The following RPRD1A variants were observed in gnomAD, a reference collection of about 807,000 sequenced individuals.
RPRD1A encodes regulation of nuclear pre-mRNA domain containing 1A.
RPRD1A carries 9 observed loss-of-function variants against 37.8 expected under a neutral mutation model. The ratio of observed to expected loss-of-function variants is 0.24; its 90% CI spans 0.14 to 0.42. The LOEUF is 0.42. Ranked by LOEUF, RPRD1A falls within the 10% of genes least tolerant of loss-of-function variation. The pLI, the probability that RPRD1A is intolerant of heterozygous loss-of-function variation, is 1.00. For missense variants in RPRD1A, 255 were observed against 371.0 expected, an observed-to-expected ratio of 0.69 and a Z score of 2.57; for synonymous variants, 138 against 139.7, an observed-to-expected ratio of 0.99 and a Z score of 0.08.
chr18:36,063,316 C>A (rs1267254119), intron 1 of RPRD1A, among the ~76,000 whole-genome samples: 1 of 152,076 alleles, frequency 6.6e-6, no homozygotes. Context: ...CTTAGGCCTG[C>A]GCCATCATGC....
At chr18:36,040,925 TTACAGTAATTGTCTTTCAGA>T in intron 1 of RPRD1A, 5 of 978,624 alleles carry the variant, frequency 5.1e-6, no homozygotes, top group Non-Finnish European at 7.3e-6. Context: ...AAATAGTTCT[TTACAGTAATTGTCTTTCAGA>T]ATGAACTACA....
chr18:36,046,278 G>A (rs1291567261), intron 1 of RPRD1A, among the ~76,000 whole-genome samples: 1 of 152,072 alleles, frequency 6.6e-6, no homozygotes, highest in African/African-American at 2.4e-5. Flanking sequence ...AGAAAGCAAA[G>A]TAGGGAACCT....
At chr18:36,045,848 G>GAC (rs927132741) in intron 1 of RPRD1A, among the ~76,000 whole-genome samples, 9 of 152,160 alleles carry the variant, frequency 5.9e-5, no homozygotes, top group African/African-American at 2.2e-4. Context: ...AAATCCATGT[G>GAC]ACACAGTCTT....
At chr18:36,047,159 G>A (rs73426957) in intron 1 of RPRD1A, among the ~76,000 whole-genome samples, 1,711 of 151,960 alleles carry the variant, frequency 0.011, 34 homozygotes, top group African/African-American at 0.039. Context: ...AGTGAGCTGC[G>A]ATCACATCAC....
At chr18:36,030,572 G>T (rs1911704255) in intron 4 of RPRD1A, among the ~76,000 whole-genome samples, 1 of 151,310 alleles carries the variant, frequency 6.6e-6, no homozygotes, top group South Asian at 2.1e-4. Context: ...ACCATATTTG[G>T]CAATTAAAAA....
At chr18:36,066,989 G>A (rs759346807) in intron 1 of RPRD1A, among the ~76,000 whole-genome samples, 1 of 152,158 alleles carries the variant, frequency 6.6e-6, no homozygotes, top group Non-Finnish European at 1.5e-5. Context: ...GGCCCTAATT[G>A]GGTGTGGAGT....
chr18:36,035,053 G>A (rs1912094184), intron 1 of RPRD1A, among the ~76,000 whole-genome samples: 1 of 152,188 alleles, frequency 6.6e-6, no homozygotes, highest in African/African-American at 2.4e-5. Context: ...CTATAACAGA[G>A]ACCAGCTTCT....
chr18:36,067,544 C>A lies in RPRD1A; in HGVS notation c.-140G>T. The A allele has an allele frequency of 1.2e-6, 1 of 800,510 alleles. No homozygotes were observed. Among genetic ancestry groups the A allele is most frequent in the Middle Eastern group, 2.5e-4 (1 of 4,030 alleles). The allele number at this position is 800,510 out of a possible 1,614,324, so 49.6% of individuals were successfully genotyped here. ...GGCCGCCGCTTCATCCAAGACCGGC[C>A]GCAAACCAGCAAGATGGCGTCCGGC... On this transcript the variant is annotated 5_prime_UTR_variant, in exon 1 of 7. Transcript: ENST00000399022.
At chr18:36,064,863 C>T (rs916324845) in intron 1 of RPRD1A, among the ~76,000 whole-genome samples, 1 of 152,052 alleles carries the variant, frequency 6.6e-6, no homozygotes, top group Non-Finnish European at 1.5e-5. Context: ...ACACTCACCG[C>T]GAAGGTCTGC....
intron 6 of RPRD1A, among the ~76,000 whole-genome samples, chr18:35,997,797 T>C (rs1189922658): frequency 6.6e-6 from 1 of 152,198 alleles, no homozygotes; most frequent in East Asian, 1.9e-4. Context: ...TACCCATCCG[T>C]GTAACCAACA....
chr18:36,065,421 AATTT>A (rs2089010238), intron 1 of RPRD1A, among the ~76,000 whole-genome samples: 1 of 152,224 alleles, frequency 6.6e-6, no homozygotes, highest in South Asian at 2.1e-4. Flanking sequence ...TTAATATCAC[AATTT>A]ATTTGTCCAT....
chr18:36,016,515 G>A lies in RPRD1A; in HGVS notation c.789+10385C>T, dbSNP rs150417516. Among the ~76,000 whole-genome samples the A allele has an allele frequency of 3.4e-3, 515 of 152,226 alleles. 8 individuals are homozygous for A. In the East Asian group the frequency reaches 0.046, roughly 14 times the overall value. ...TGGGATTACAGGCATGAGCCACCGC[G>A]CCCGGCCTGTTTTGTTAAAACTGTA... On this transcript the variant is annotated intron_variant, in intron 6 of 6. Transcript: ENST00000399022.
intron 1 of RPRD1A, among the ~76,000 whole-genome samples, chr18:36,049,677 A>G (rs1913229986): frequency 6.6e-6 from 1 of 152,192 alleles, no homozygotes; most frequent in Non-Finnish European, 1.5e-5. Flanking sequence ...ATTCTGCTGT[A>G]TGTATACACT....
chr18:36,002,877 G>A (rs1319607462), intron 6 of RPRD1A, among the ~76,000 whole-genome samples: 1 of 152,146 alleles, frequency 6.6e-6, no homozygotes, highest in Admixed American at 6.5e-5. Flanking sequence ...TATAAGATCT[G>A]CTATAGAGGT....
chr18:36,048,626 A>C (rs577939875), intron 1 of RPRD1A, among the ~76,000 whole-genome samples: 1 of 151,616 alleles, frequency 6.6e-6, no homozygotes, highest in South Asian at 2.1e-4. Context: ...AATTTCCTCA[A>C]CTTGATAAAA....
rs1598668861 is a variant in RPRD1A at position 36,057,729 on chromosome 18, A to G, written c.151+9525T>C. The stretch of plus-strand genomic sequence containing the variant: ...AAAGTCAAATAATGCTGTTCTACAT[A>G]ACACCACATTCAAATGATTACAACA... On this transcript the variant is annotated intron_variant, in intron 1 of 6. Transcript: ENST00000399022. 2.6e-5 allele frequency among the ~76,000 whole-genome samples: 4 copies of G among 152,260 alleles called. No individual in the cohort carries two copies. The South Asian group carries it at 8.3e-4, about 31-fold the overall frequency.
chr18:36,050,851 T>C (rs1467667113), intron 1 of RPRD1A, among the ~76,000 whole-genome samples: 1 of 141,356 alleles, frequency 7.1e-6, no homozygotes, highest in Non-Finnish European at 1.5e-5. Flanking sequence ...GAATCAATTT[T>C]TCTTTTCTTT....
intron 1 of RPRD1A, among the ~76,000 whole-genome samples, chr18:36,035,419 C>G (rs2144312526): frequency 6.6e-6 from 1 of 152,168 alleles, no homozygotes; most frequent in South Asian, 2.1e-4. Flanking sequence ...GCTGAACAAA[C>G]AAAGCCAAAA....
At position 36,067,519 on chromosome 18, in the gene RPRD1A, G is replaced by C. The variant is rs929816579; in HGVS notation, c.-115C>G. On this transcript the variant is annotated 5_prime_UTR_variant, in exon 1 of 7. Coordinates refer to ENST00000399022, the MANE Select transcript of RPRD1A (RefSeq NM_018170.5). The stretch of plus-strand genomic sequence containing the variant: ...CCACCCTTCCCCACGCTCTCACCAC[G>C]GCCGCCGCTTCATCCAAGACCGGCC... 1.6e-5 allele frequency: 18 copies of C among 1,132,386 alleles called. No homozygotes were observed. The highest frequency in any genetic ancestry group is 1.3e-4 in the Admixed American group (5 of 38,332). 70.1% of individuals were successfully genotyped at this position (1,132,386 alleles called of 1,614,324 possible).
Sources: gnomAD v4.1 joint callset for allele counts (sites outside exome capture counted in the v4.1 genomes callset) on GRCh38, gnomAD v4.1.1 for gene constraint, MANE v1.5 for transcripts, NCBI Gene and HGNC (gene_info 2026-07-23, HGNC 2026-07-21) for gene names.